The following MICA variants were observed in gnomAD, a reference collection of about 807,000 sequenced individuals.
MICA encodes the protein MHC class I polypeptide-related sequence A, also known as HLA class I antigen.
Under a neutral mutation model 34.3 loss-of-function variants are expected in MICA, and 18 were observed. That is an observed-to-expected ratio of 0.52 (90% CI 0.36 to 0.78). The LOEUF is 0.78. Among genes scored for constraint, MICA ranks in the 30% least tolerant of loss-of-function variants. The pLI, the probability that MICA is intolerant of heterozygous loss-of-function variation, is 0.00. For synonymous variants in MICA, 135 were observed against 156.9 expected, an observed-to-expected ratio of 0.86 and a Z score of 1.04; for missense variants, 333 against 409.4, an observed-to-expected ratio of 0.81 and a Z score of 1.61.
chr6:31,401,651 C>A (rs1225547553), upstream of MICA, among the ~76,000 whole-genome samples: 3 of 113,870 alleles, frequency 2.6e-5, no homozygotes, highest in African/African-American at 7.9e-5. Context: ...CACAGCAAGA[C>A]TCCTCTCTTA....
chr6:31,410,578 T>G lies in MICA; in HGVS notation c.106T>G (p.Ser36Ala), dbSNP rs747552010. 2 of 1,613,204 alleles carry G rather than the reference T, an allele frequency of 1.2e-6. No homozygotes were observed. The highest frequency in any genetic ancestry group is 2.7e-5 in the African/African-American group (2 of 74,724). ...TCTTCGTTATAACCTCACGGTGCTG[T>G]CCTGGGATGGATCTGTGCAGTCAGG... ...HSLRYNLTVL[S>A]WDGSVQSGFL... is the part of the protein sequence containing the mutation. The change falls in exon 2 of 6, where the codon TCC becomes GCC. Residue 36 changes from serine (S) to alanine (A), a missense_variant. Transcript: ENST00000449934.
At chr6:31,410,977 A>C in intron 2 of MICA, 95 bp from the exon 3 acceptor site, 3 of 1,474,656 alleles carry the variant, frequency 2.0e-6, no homozygotes, top group Non-Finnish European at 1.8e-6. Flanking sequence ...GGCATGGAGG[A>C]GGGCCAGGGA....
chr6:31,415,171 C>G lies in MICA; in HGVS notation c.*189C>G. On this transcript the variant is annotated 3_prime_UTR_variant, in exon 6 of 6. Transcript: ENST00000449934. ...CAGCCAGGCGGCTGGAATTGAATTC[C>G]CTGCCTGGATCTCACAAGCACTTTC... The G allele has an allele frequency of 1.2e-6, 1 of 845,398 alleles. No homozygotes were observed. Among genetic ancestry groups the G allele is most frequent in the Non-Finnish European group, 2.0e-6 (1 of 499,870 alleles). 52.4% of individuals were successfully genotyped at this position (845,398 alleles called of 1,614,324 possible).
intron 5 of MICA, among the ~76,000 whole-genome samples, chr6:31,413,286 C>T (rs760763283): frequency 6.6e-5 from 10 of 151,876 alleles, no homozygotes; most frequent in Non-Finnish European, 1.3e-4. Context: ...CTGTTTTCAT[C>T]CTACCTCCGA....
At chr6:31,402,530 T>C (rs1292819362), upstream of MICA, among the ~76,000 whole-genome samples, 1 of 151,854 alleles carries the variant, frequency 6.6e-6, no homozygotes, top group African/African-American at 2.4e-5. Context: ...TGGAGCACTC[T>C]GGTTGTAACT....
rs1770599882 is a variant in MICA, at chr6:31,403,972, C to T, written c.70+270C>T. Among the ~76,000 whole-genome samples, 1 of 151,822 alleles carries T rather than the reference C, an allele frequency of 6.6e-6. No individual in the cohort carries two copies. Among genetic ancestry groups the T allele is most frequent in the Non-Finnish European group, 1.5e-5 (1 of 68,010 alleles). ...GTCTCCTCCGCTTCCTCTCACTTTT[C>T]GGACAAACCAGTCCTTCTGAGGCCC... On this transcript the variant is annotated intron_variant, in intron 1 of 5. Transcript: ENST00000449934. This position sits in a 1 kb window ranked among gnomAD's most constrained non-coding sequence, Gnocchi z 4.7.
At chr6:31,405,938 C>T (rs958904321) in intron 1 of MICA, among the ~76,000 whole-genome samples, 12 of 152,004 alleles carry the variant, frequency 7.9e-5, no homozygotes, top group Admixed American at 2.0e-4. Context: ...TTTATCCATG[C>T]GTCTGTTGAT....
chr6:31,410,566 C>T lies in MICA; in HGVS notation c.94C>T (p.Leu32Phe), dbSNP rs1166916713. The change falls in exon 2 of 6, where the codon CTC (leucine) becomes TTC (phenylalanine). Residue 32 changes from leucine to phenylalanine, a missense_variant. By Grantham distance (22) the Leu-to-Phe change is conservative (BLOSUM62 0). Transcript: ENST00000449934. ...AGAGCCCCACAGTCTTCGTTATAAC[C>T]TCACGGTGCTGTCCTGGGATGGATC... ...AAEPHSLRYN[L>F]TVLSWDGSVQ... 1.2e-6 allele frequency: 2 copies of T among 1,612,974 alleles called. No individual in the cohort carries two copies. Among genetic ancestry groups the T allele is most frequent in the African/African-American group, 2.7e-5 (2 of 74,706 alleles).
chr6:31,407,272 T>A (rs1248290569), intron 1 of MICA, among the ~76,000 whole-genome samples: 3 of 152,040 alleles, frequency 2.0e-5, no homozygotes, highest in Non-Finnish European at 4.4e-5. Flanking sequence ...GTTTCACTCT[T>A]GTTGCCCAGG....
In MICA at chr6:31,403,818, T is replaced by C; in HGVS notation, c.70+116T>C. ...GGGCGGGGCTCCTGTGCCCTGTCGG[T>C]GGCGCAGGGAGCTGGACGCGGCCCG... On this transcript the variant is annotated intron_variant, in intron 1 of 5. Coordinates refer to ENST00000449934, the MANE Select transcript of MICA (RefSeq NM_001177519.3). The surrounding 1 kb of genome is among the most constrained non-coding windows in gnomAD (Gnocchi z 4.7). The C allele has an allele frequency of 2.1e-6, 2 of 942,378 alleles. No individual in the cohort carries two copies. Among genetic ancestry groups the C allele is most frequent in the Non-Finnish European group, 3.1e-6 (2 of 650,818 alleles). The allele number at this position is 942,378 out of a possible 1,614,324, so 58.4% of individuals were successfully genotyped here. A position where few individuals can be genotyped will look rare whatever the true frequency, so the allele number is the denominator to read the frequency against.
chr6:31,408,742 G>A (rs1770890856), intron 1 of MICA, among the ~76,000 whole-genome samples: 1 of 151,814 alleles, frequency 6.6e-6, no homozygotes, highest in Non-Finnish European at 1.5e-5. Context: ...AGTGGCTCAC[G>A]CCTGGATTTC....
upstream of MICA, among the ~76,000 whole-genome samples, chr6:31,403,081 G>A (rs558849551): frequency 3.6e-4 from 55 of 152,048 alleles, no homozygotes; most frequent in Middle Eastern, 3.4e-3. The surrounding 1 kb of genome is among the most constrained non-coding windows in gnomAD (Gnocchi z 4.7). Flanking sequence ...GAGAGGCAGA[G>A]GTGGCTGAGA....
At chr6:31,404,160 G>A (rs945418249) in intron 1 of MICA, among the ~76,000 whole-genome samples, 4 of 151,702 alleles carry the variant, frequency 2.6e-5, no homozygotes, top group Non-Finnish European at 5.9e-5. Context: ...CTCCTGGGCC[G>A]CAGCTCCTGG....
intron 1 of MICA, among the ~76,000 whole-genome samples, chr6:31,409,816 A>G (rs1223864398): frequency 6.6e-6 from 1 of 151,692 alleles, no homozygotes; most frequent in Admixed American, 6.6e-5. Context: ...TAAGGGTCCA[A>G]TTTTATTTTA....
intron 1 of MICA, among the ~76,000 whole-genome samples, chr6:31,405,604 A>G (rs962342217): frequency 6.6e-6 from 1 of 151,812 alleles, no homozygotes; most frequent in Non-Finnish European, 1.5e-5. Flanking sequence ...TTTTAAATGT[A>G]CAATAAATTA....
In MICA at chr6:31,411,157, G is replaced by A. The variant is rs1771119372; in HGVS notation, c.411G>A (p.Gly137=). ...GCTCCCAGCATTTCTACTACGATGG[G>A]GAGCTCTTCCTCTCCCAAAACCTGG... ...TRSSQHFYYD[G]ELFLSQNLET... Residue 137 remains glycine, a synonymous_variant, in exon 3 of 6, where the codon GGG becomes GGA. Coordinates refer to ENST00000449934, the MANE Select transcript of MICA (RefSeq NM_001177519.3). This position sits in a 1 kb window ranked among gnomAD's most constrained non-coding sequence, Gnocchi z 4.3. 2 of 1,612,658 alleles carry A rather than the reference G, an allele frequency of 1.2e-6. No individual in the cohort carries two copies. Among genetic ancestry groups the A allele is most frequent in the African/African-American group, 1.3e-5 (1 of 74,634 alleles).
chr6:31,414,887 G>A (rs1582690317), intron 5 of MICA, 125 bp from the exon 6 acceptor site: 3 of 720,776 alleles, frequency 4.2e-6, no homozygotes, highest in South Asian at 1.7e-5. Flanking sequence ...AAAAGTGGGG[G>A]CCTCATCTTC....
upstream of MICA, among the ~76,000 whole-genome samples, chr6:31,401,510 T>C (rs192042375): frequency 2.0e-5 from 3 of 151,452 alleles, no homozygotes; most frequent in South Asian, 2.1e-4. Flanking sequence ...AGATGGTAGA[T>C]GACAGCTGGG....
At chr6:31,401,724 G>T (rs1770441501), upstream of MICA, among the ~76,000 whole-genome samples, 1 of 151,620 alleles carries the variant, frequency 6.6e-6, no homozygotes, top group Admixed American at 6.6e-5. Flanking sequence ...CAAACCACGG[G>T]CTAAATCAGT....
Sources: allele counts gnomAD v4.1 joint callset (sites outside exome capture counted in the v4.1 genomes callset), GRCh38; gene constraint gnomAD v4.1.1; non-coding constraint Gnocchi (gnomAD v3.1); transcripts MANE v1.5; gene names NCBI Gene and HGNC (gene_info 2026-07-23, HGNC 2026-07-21).